Variants in CORIN observed in about 807,000 individuals in gnomAD.
CORIN encodes the protein corin, serine peptidase, also known as atrial natriuretic peptide-converting enzyme.
CORIN carries 117 observed loss-of-function variants against 125.3 expected under a neutral mutation model. The ratio of observed to expected loss-of-function variants is 0.93; its 90% CI spans 0.80 to 1.09. The LOEUF (loss-of-function observed/expected upper bound fraction) is 1.09. Among genes scored for constraint, CORIN ranks in the 50% least tolerant of loss-of-function variants. CORIN has a pLI of 0.00. For synonymous variants in CORIN, 450 were observed against 466.4 expected (o/e 0.96, Z 0.45); for missense variants, 1,253 against 1,306.7 (o/e 0.96, Z 0.63).
intron 16 of CORIN, among the ~76,000 whole-genome samples, chr4:47,627,295 T>A (rs1460543269): frequency 2.8e-4 from 42 of 152,174 alleles, no homozygotes. Context: ...ATCTGATTAT[T>A]ATTTTTAAAC....
chr4:47,695,776 C>T (rs1374273270), intron 5 of CORIN, among the ~76,000 whole-genome samples: 1 of 152,186 alleles, frequency 6.6e-6, no homozygotes, highest in Non-Finnish European at 1.5e-5. Context: ...AGAATTTCCA[C>T]TTTACTTGTA....
At chr4:47,637,462 G>C (rs915835463) in intron 16 of CORIN, among the ~76,000 whole-genome samples, 1 of 152,218 alleles carries the variant, frequency 6.6e-6, no homozygotes, top group African/African-American at 2.4e-5. Flanking sequence ...CAGAGGCCTA[G>C]GAGGAAAAAG....
At chr4:47,657,409 C>A (rs1402166198) in intron 12 of CORIN, among the ~76,000 whole-genome samples, 1 of 151,778 alleles carries the variant, frequency 6.6e-6, no homozygotes, top group Non-Finnish European at 1.5e-5. Context: ...ATGGCGAGCA[C>A]CTATAGTCCC....
At chr4:47,642,437 G>A (rs1029176412) in intron 15 of CORIN, among the ~76,000 whole-genome samples, 9 of 152,210 alleles carry the variant, frequency 5.9e-5, no homozygotes, top group Admixed American at 1.3e-4. Flanking sequence ...ACGCAAGTGC[G>A]TGAGAGGGAT....
At chr4:47,708,032 T>C (rs1469015928) in intron 5 of CORIN, among the ~76,000 whole-genome samples, 2 of 152,244 alleles carry the variant, frequency 1.3e-5, no homozygotes, top group African/African-American at 4.8e-5. Context: ...TCCAGTTACT[T>C]TCCCCATAAA....
At chr4:47,837,664 G>A (rs1733513840) in intron 1 of CORIN, among the ~76,000 whole-genome samples, 1 of 152,220 alleles carries the variant, frequency 6.6e-6, no homozygotes, top group African/African-American at 2.4e-5. Context: ...GGTCTCGGAC[G>A]CCGGGCGACC....
chr4:47,650,990 C>T (rs1364528686), intron 13 of CORIN, among the ~76,000 whole-genome samples: 1 of 152,202 alleles, frequency 6.6e-6, no homozygotes, highest in Non-Finnish European at 1.5e-5. Flanking sequence ...ACCACAAGAG[C>T]TGGAGACATT....
intron 19 of CORIN, among the ~76,000 whole-genome samples, chr4:47,606,498 A>G (rs982420029): frequency 1.3e-5 from 2 of 152,076 alleles, no homozygotes; most frequent in African/African-American, 4.8e-5. Context: ...AGCTCAAGCA[A>G]TCCTCCCGCC....
At chr4:47,614,880 T>G (rs1052230472) in intron 19 of CORIN, among the ~76,000 whole-genome samples, 1 of 151,806 alleles carries the variant, frequency 6.6e-6, no homozygotes, top group Non-Finnish European at 1.5e-5. Context: ...CTAAACTAGA[T>G]AGTAAAAAAA....
chr4:47,691,683 C>T (rs1162139955), intron 6 of CORIN, among the ~76,000 whole-genome samples: 1 of 150,508 alleles, frequency 6.6e-6, no homozygotes, highest in Non-Finnish European at 1.5e-5. Flanking sequence ...CTCTAATATA[C>T]AAATGTGTAT....
In CORIN at chr4:47,683,837, G is replaced by T; in HGVS notation, c.915C>A (p.Asn305Lys). 1 of 1,609,064 alleles carries T rather than the reference G, an allele frequency of 6.2e-7. No individual in the cohort carries two copies. The highest frequency in any genetic ancestry group is 8.5e-7 in the Non-Finnish European group (1 of 1,177,864). The change falls in exon 7 of 22, where the codon AAC becomes AAA. Residue 305 changes from asparagine to lysine, a missense_variant and splice_region_variant. Transcript: ENST00000273857. ...GACAGTGAAACAGATTCTCGCTGCA[G>T]TCTGCAAATAAAAGAAGCCACCAGT... The part of the protein sequence containing the change: ...CDDWSDEAHC[N>K]CSENLFHCHT...
intron 15 of CORIN, chr4:47,642,687 G>A (rs756263205): frequency 2.8e-4 from 55 of 196,188 alleles, no homozygotes; most frequent in Admixed American, 7.2e-4. Context: ...AACACTGGAG[G>A]TGCTGGTAGG....
chr4:47,611,485 G>A (rs1721867077), intron 19 of CORIN, among the ~76,000 whole-genome samples: 1 of 152,206 alleles, frequency 6.6e-6, no homozygotes, highest in Admixed American at 6.5e-5. Context: ...AGTTTAAGAA[G>A]CTTTTGGGTC....
Position 47,623,880 on chromosome 4 carries a change from ACACCTCTAATTCTCT to A in CORIN, c.2365+4_2365+18del. The A allele has an allele frequency of 6.2e-7, 1 of 1,612,278 alleles. No individual in the cohort carries two copies. On this transcript the variant is annotated splice_donor_5th_base_variant and intron_variant, in intron 18 of 21. Transcript: ENST00000273857. ...TCAATTAAGTTCATATCCCATTGCC[ACACCTCTAATTCTCT>A]CACCTTGTTTAGTACACAGAAGAGA...
At position 47,642,034 on chromosome 4, in the gene CORIN, T is replaced by G. The variant is rs1335272818; in HGVS notation, c.2084A>C (p.Asn695Thr). Residue 695 changes from asparagine (N) to threonine (T), a missense_variant, in exon 16 of 22, where the codon AAT becomes ACT. By Grantham distance (65) the Asn-to-Thr change is moderately conservative (BLOSUM62 0). Coordinates refer to ENST00000273857, the MANE Select transcript of CORIN (RefSeq NM_006587.4). The part of the protein sequence containing the change: ...DEWDCVTLSI[N>T]VNSSSFLMVH... ...CATCAGAAAGGAAGAGGAGTTCACA[T>G]TTATAGAGAGGGTCACTAGGGAAAG... 6.2e-7 allele frequency: 1 copy of G among 1,613,006 alleles called. No homozygotes were observed. The highest frequency in any genetic ancestry group is 1.1e-5 in the South Asian group (1 of 91,042).
intron 19 of CORIN, among the ~76,000 whole-genome samples, chr4:47,622,456 A>T (rs1335693647): frequency 1.3e-5 from 2 of 150,108 alleles, no homozygotes; most frequent in East Asian, 3.9e-4. Flanking sequence ...ACTAGTTTAC[A>T]GTCCCACCAA....
intron 1 of CORIN, among the ~76,000 whole-genome samples, chr4:47,819,479 A>G (rs1732410301): frequency 1.3e-5 from 2 of 152,226 alleles, no homozygotes; most frequent in South Asian, 4.1e-4. Context: ...AAGAGGGGAC[A>G]GAGACAAAAA....
intron 10 of CORIN, among the ~76,000 whole-genome samples, chr4:47,665,724 G>A (rs1357536282): frequency 2.0e-5 from 3 of 152,188 alleles, no homozygotes; most frequent in Non-Finnish European, 4.4e-5. Flanking sequence ...GTTGATTAAT[G>A]TGTTTAAATA....
chr4:47,700,555 GAACGAAGGAAGGACTTCTA>G, intron 5 of CORIN, among the ~76,000 whole-genome samples: 1 of 152,204 alleles, frequency 6.6e-6, no homozygotes, highest in Non-Finnish European at 1.5e-5. Flanking sequence ...GAACCTGGAA[GAACGAAGGAAGGACTTCTA>G]GCTTTCATTC....
Sources: gnomAD v4.1 joint callset for allele counts (sites outside exome capture counted in the v4.1 genomes callset) on GRCh38, gnomAD v4.1.1 for gene constraint, MANE v1.5 for transcripts, NCBI Gene and HGNC (gene_info 2026-07-23, HGNC 2026-07-21) for gene names.